FCHSD2: variants seen among roughly 807,000 people sequenced by gnomAD.
FCHSD2 encodes F-BAR and double SH3 domains protein 2.
Under a neutral mutation model 108.1 loss-of-function variants are expected in FCHSD2, and 38 were observed. The ratio of observed to expected loss-of-function variants is 0.35; its 90% CI spans 0.27 to 0.46. FCHSD2 has a LOEUF of 0.46. FCHSD2 is among the 20% of genes least tolerant of loss of function. The probability of loss-of-function intolerance (pLI) is 1.00; values close to 1 mark genes in which losing one functional copy is unlikely to be tolerated. For missense variants in FCHSD2, 751 were observed against 897.8 expected (o/e 0.84, Z 2.09); for synonymous variants, 279 against 314.7 (o/e 0.89, Z 1.20).
rs1857268919 is a variant in FCHSD2 at position 72,984,209 on chromosome 11, G to A, written c.584C>T (p.Ala195Val). Reference protein sequence around the residue: ...SLQKASVKLKARRSECNSKAT... With the variant: ...SLQKASVKLKVRRSECNSKAT... ...TTTGGAATTACACTCAGATCGCCGG[G>A]CTTTTAACTAAAACATAGCAAAATA... Residue 195 changes from alanine (A) to valine (V), a missense_variant, in exon 8 of 20, where the codon GCC becomes GTC. Ala to Val is a moderately conservative substitution (Grantham distance 64, BLOSUM62 0). Coordinates refer to ENST00000409418, the MANE Select transcript of FCHSD2 (RefSeq NM_014824.3). 2 of 1,613,592 alleles carry A rather than the reference G, an allele frequency of 1.2e-6. No homozygotes were observed. Among genetic ancestry groups the A allele is most frequent in the Non-Finnish European group, 1.7e-6 (2 of 1,179,706 alleles).
chr11:73,120,954 C>T (rs904519063), intron 2 of FCHSD2, among the ~76,000 whole-genome samples: 1 of 151,894 alleles, frequency 6.6e-6, no homozygotes, highest in South Asian at 2.1e-4. Context: ...TAATCTGGCA[C>T]CCCTCAAGTC....
intron 8 of FCHSD2, among the ~76,000 whole-genome samples, chr11:72,981,974 C>G (rs1040403278): frequency 6.6e-6 from 1 of 152,086 alleles, no homozygotes; most frequent in East Asian, 1.9e-4. Flanking sequence ...AGAGCGAGAC[C>G]CTGTCTCAAA....
intron 4 of FCHSD2, among the ~76,000 whole-genome samples, chr11:73,004,506 C>T (rs1857698614): frequency 6.6e-6 from 1 of 152,156 alleles, no homozygotes; most frequent in African/African-American, 2.4e-5. Flanking sequence ...TTTGGTCCTA[C>T]CCCCTTTCCA....
intron 13 of FCHSD2, 65 bp from the exon 14 acceptor site, chr11:72,849,954 A>C: frequency 1.5e-6 from 2 of 1,291,552 alleles, no homozygotes; most frequent in Non-Finnish European, 2.2e-6. Flanking sequence ...AAGCCGGAAA[A>C]ACACTTAAAA....
At chr11:73,113,816 G>C (rs1482955338) in intron 2 of FCHSD2, among the ~76,000 whole-genome samples, 1 of 152,202 alleles carries the variant, frequency 6.6e-6, no homozygotes, top group African/African-American at 2.4e-5. Context: ...CCCAAGCCCA[G>C]TAATGCTATG....
chr11:73,074,866 C>G (rs1322903924), intron 3 of FCHSD2, among the ~76,000 whole-genome samples: 1 of 152,072 alleles, frequency 6.6e-6, no homozygotes, highest in African/African-American at 2.4e-5. Flanking sequence ...GAACTAGGAT[C>G]ACGCCACTGC....
In FCHSD2 at chr11:72,843,272, G is replaced by A. The variant is rs773351939; in HGVS notation, c.1584C>T (p.Pro528=). 1.2e-6 allele frequency: 2 copies of A among 1,613,858 alleles called. No individual in the cohort carries two copies. The highest frequency in any genetic ancestry group is 2.7e-5 in the African/African-American group (2 of 74,912). ...GYVPEKYLQF[P]TSNSLLSMLQ... ...GCATGCTCAGGAGGCTGTTCGAGGTGGGAAACTGTAGGTACTTTTCTGGCA... is the reference window on the plus strand; with the variant it reads ...GCATGCTCAGGAGGCTGTTCGAGGTAGGAAACTGTAGGTACTTTTCTGGCA... The change falls in exon 16 of 20, where the codon CCC becomes CCT. Residue 528 remains proline, a synonymous_variant. Transcript: ENST00000409418.
At position 73,000,999 on chromosome 11, in the gene FCHSD2, T is replaced by C. The variant is rs199723808; in HGVS notation, c.378A>G (p.Gln126=). 5.0e-5 allele frequency: 80 copies of C among 1,606,720 alleles called. No individual in the cohort carries two copies. The highest frequency in any genetic ancestry group is 6.5e-5 in the Non-Finnish European group (76 of 1,176,412). Residue 126 remains glutamine (Q), a synonymous_variant, in exon 5 of 20, where the codon CAA becomes CAG. Coordinates refer to ENST00000409418, the MANE Select transcript of FCHSD2 (RefSeq NM_014824.3). ...GAAATAAAAACAATACCCTTTTTAG[T>C]TGCTGTTCTTTTAAGCTTCTCACTG... ...ARTVRSLKEQ[Q]LKRCVDQLTK...
At chr11:73,140,418 C>T (rs1783598) in intron 1 of FCHSD2, among the ~76,000 whole-genome samples, 123,072 of 152,154 alleles carry the variant, frequency 0.81, 50,290 homozygotes, top group Middle Eastern at 0.89. Flanking sequence ...GCTCAATCCA[C>T]GTCTAGGTCT....
At chr11:72,898,488 A>G (rs1044587308) in intron 10 of FCHSD2, among the ~76,000 whole-genome samples, 2 of 152,226 alleles carry the variant, frequency 1.3e-5, no homozygotes, top group Non-Finnish European at 2.9e-5. Context: ...ATAAAATTCA[A>G]AATAAAAGAA....
chr11:73,034,838 C>G (rs770482452), intron 3 of FCHSD2, among the ~76,000 whole-genome samples: 3 of 152,124 alleles, frequency 2.0e-5, no homozygotes, highest in Non-Finnish European at 4.4e-5. Flanking sequence ...TATAGAAGGA[C>G]TAAAAGTCAA....
intron 14 of FCHSD2, among the ~76,000 whole-genome samples, chr11:72,844,055 T>G (rs1861050674): frequency 1.3e-5 from 2 of 152,082 alleles, no homozygotes; most frequent in Non-Finnish European, 2.9e-5. Context: ...GTAGAGGACC[T>G]GGGTTCCAAC....
intron 9 of FCHSD2, among the ~76,000 whole-genome samples, chr11:72,916,067 G>C (rs935789874): frequency 6.6e-6 from 1 of 152,088 alleles, no homozygotes; most frequent in African/African-American, 2.4e-5. Flanking sequence ...GGTAGAGGGT[G>C]GAGGGTGGGA....
chr11:73,067,740 G>A (rs1015460967), intron 3 of FCHSD2, among the ~76,000 whole-genome samples: 19 of 152,094 alleles, frequency 1.2e-4, no homozygotes, highest in Admixed American at 8.5e-4. Context: ...CTCTCAAAAT[G>A]AGGCTTTAAA....
chr11:72,989,170 C>CTA (rs1381313148), intron 5 of FCHSD2, 73 bp from the exon 6 acceptor site: 5 of 1,172,800 alleles, frequency 4.3e-6, no homozygotes, highest in Non-Finnish European at 6.0e-6. Flanking sequence ...ATCCTAAGGA[C>CTA]TATACACTAT....
At chr11:72,917,512 G>A (rs1855897790) in intron 9 of FCHSD2, among the ~76,000 whole-genome samples, 1 of 152,134 alleles carries the variant, frequency 6.6e-6, no homozygotes, top group Admixed American at 6.6e-5. Flanking sequence ...TTATGAAATT[G>A]GGAAGTGTGA....
intron 8 of FCHSD2, among the ~76,000 whole-genome samples, chr11:72,931,295 T>G: frequency 7.1e-6 from 1 of 140,198 alleles, no homozygotes; most frequent in African/African-American, 2.6e-5. Context: ...TTAGTAGAGA[T>G]GAGGTTTCAC....
intron 12 of FCHSD2, among the ~76,000 whole-genome samples, chr11:72,881,260 G>A (rs1855081202): frequency 1.3e-5 from 2 of 152,044 alleles, no homozygotes; most frequent in African/African-American, 4.8e-5. Context: ...TGGCCAACAG[G>A]TATATGAAAA....
chr11:72,845,454 A>C (rs1273812146), intron 14 of FCHSD2, among the ~76,000 whole-genome samples: 4 of 47,594 alleles, frequency 8.4e-5, no homozygotes, highest in African/African-American at 1.1e-4. Flanking sequence ...AAAAAAAAAA[A>C]AAAAAAACAA....
Sources: gnomAD v4.1 joint callset for allele counts (sites outside exome capture counted in the v4.1 genomes callset) on GRCh38, gnomAD v4.1.1 for gene constraint, MANE v1.5 for transcripts, NCBI Gene and HGNC (gene_info 2026-07-23, HGNC 2026-07-21) for gene names.